Variants in FNBP1 observed in about 807,000 individuals in gnomAD.
FNBP1 encodes the protein formin-binding protein 1.
In FNBP1, 26 loss-of-function variants were observed where a neutral mutation model predicts 90.6. That is an observed-to-expected ratio of 0.29 (90% CI 0.21 to 0.40). The LOEUF (loss-of-function observed/expected upper bound fraction) is 0.40. FNBP1 is among the 10% of genes least tolerant of loss of function. The pLI, the probability that FNBP1 is intolerant of heterozygous loss-of-function variation, is 1.00. For missense variants in FNBP1, 635 were observed against 768.0 expected, an observed-to-expected ratio of 0.83 and a Z score of 2.05; for synonymous variants, 260 against 265.2, an observed-to-expected ratio of 0.98 and a Z score of 0.19.
intron 16 of FNBP1, among the ~76,000 whole-genome samples, chr9:129,891,887 GA>G (rs1588316495): frequency 6.6e-6 from 1 of 152,222 alleles, no homozygotes; most frequent in East Asian, 1.9e-4. Context: ...ACAATACTGA[GA>G]AAAAATATAA....
At chr9:129,956,905 C>A (rs2047020161) in intron 6 of FNBP1, among the ~76,000 whole-genome samples, 1 of 152,018 alleles carries the variant, frequency 6.6e-6, no homozygotes, top group South Asian at 2.1e-4. Flanking sequence ...CTGGTCCCCA[C>A]AATGGTTGAC....
chr9:130,005,405 G>C (rs1177430829), intron 1 of FNBP1, among the ~76,000 whole-genome samples: 1 of 145,110 alleles, frequency 6.9e-6, no homozygotes, highest in Non-Finnish European at 1.5e-5. Context: ...GCAGTGGTGC[G>C]ATCTCAGCTC....
intron 12 of FNBP1, among the ~76,000 whole-genome samples, chr9:129,907,503 G>A (rs967235107): frequency 2.0e-5 from 3 of 151,746 alleles, no homozygotes; most frequent in African/African-American, 7.3e-5. Context: ...TTGGAGACGG[G>A]GTCTTGCTCT....
chr9:129,948,690 G>A (rs2045723463), intron 6 of FNBP1, among the ~76,000 whole-genome samples: 1 of 151,886 alleles, frequency 6.6e-6, no homozygotes, highest in Admixed American at 6.6e-5. Context: ...TTACAGGCAC[G>A]TGCCACCATG....
chr9:129,923,810 C>G, intron 10 of FNBP1, 34 bp downstream of exon 10: 1 of 1,528,402 alleles, frequency 6.5e-7, no homozygotes. Flanking sequence ...AACCAAAGCA[C>G]GCCAGAGAGA....
chr9:129,944,963 A>G (rs1055760254), intron 6 of FNBP1, among the ~76,000 whole-genome samples: 2 of 152,218 alleles, frequency 1.3e-5, no homozygotes, highest in African/African-American at 4.8e-5. Flanking sequence ...CTAAGTGCCA[A>G]GTGTTGAAGC....
chr9:130,004,784 G>T (rs750945294), intron 1 of FNBP1, among the ~76,000 whole-genome samples: 6 of 152,194 alleles, frequency 3.9e-5, no homozygotes, highest in Non-Finnish European at 5.9e-5. Context: ...AAACTTTACA[G>T]GCCGGGCGTG....
rs532668702 is a variant in FNBP1 at position 129,900,590 on chromosome 9, G to A, written c.1429-43C>T. 46 of 1,464,350 alleles carry A rather than the reference G, an allele frequency of 3.1e-5. No homozygotes were observed. The East Asian group carries it at 1.1e-3, about 34-fold the overall frequency. The allele number at this position is 1,464,350 out of a possible 1,614,324, so 90.7% of individuals were successfully genotyped here. A position where few individuals can be genotyped will look rare whatever the true frequency, so the allele number is the denominator to read the frequency against. On this transcript the variant is annotated intron_variant, in intron 13 of 16. Coordinates refer to ENST00000446176, the MANE Select transcript of FNBP1 (RefSeq NM_015033.3). The surrounding 1 kb of genome is among the most constrained non-coding windows in gnomAD (Gnocchi z 4.1). ...GAGAGACTCCAACCTAAGGCCATCTGAGGGTCAGCCCAGAGTGTCCTAAGG... is the reference window on the plus strand; with the variant it reads ...GAGAGACTCCAACCTAAGGCCATCTAAGGGTCAGCCCAGAGTGTCCTAAGG...
chr9:129,998,196 G>GA (rs35148774), intron 1 of FNBP1, among the ~76,000 whole-genome samples: 2,414 of 33,292 alleles, frequency 0.073, 240 homozygotes, highest in Non-Finnish European at 0.1. Context: ...ACTCTGTCTC[G>GA]AAAAAAAAAA....
At chr9:129,934,851 G>A (rs1395392189) in intron 6 of FNBP1, among the ~76,000 whole-genome samples, 8 of 152,010 alleles carry the variant, frequency 5.3e-5, no homozygotes, top group Non-Finnish European at 8.8e-5. Context: ...CAAAGTGTTG[G>A]GATTACAGAT....
chr9:129,991,752 T>G (rs918207505), intron 2 of FNBP1, among the ~76,000 whole-genome samples: 1 of 151,790 alleles, frequency 6.6e-6, no homozygotes, highest in Non-Finnish European at 1.5e-5. Context: ...CTCTGCCTTC[T>G]GGGTTCATGC....
At chr9:129,917,081 C>T (rs771225734) in intron 10 of FNBP1, among the ~76,000 whole-genome samples, 3 of 151,988 alleles carry the variant, frequency 2.0e-5, no homozygotes, top group Non-Finnish European at 4.4e-5. Flanking sequence ...GGCGTAATCT[C>T]GGCTCACTGC....
At chr9:129,934,223 GACCAT>G (rs1165051177) in intron 6 of FNBP1, among the ~76,000 whole-genome samples, 1 of 152,130 alleles carries the variant, frequency 6.6e-6, no homozygotes, top group Non-Finnish European at 1.5e-5. Context: ...TTCTAAACCA[GACCAT>G]AAGCTATTCT....
chr9:129,907,887 C>T (rs577439562), intron 12 of FNBP1, among the ~76,000 whole-genome samples: 13 of 152,020 alleles, frequency 8.6e-5, no homozygotes, highest in African/African-American at 2.7e-4. Context: ...CGCCACCATG[C>T]GAGCTAATTT....
At chr9:129,941,460 T>C (rs908308580) in intron 6 of FNBP1, among the ~76,000 whole-genome samples, 1 of 152,232 alleles carries the variant, frequency 6.6e-6, no homozygotes, top group Non-Finnish European at 1.5e-5. Flanking sequence ...TGATAGACAA[T>C]GAAATTACAT....
chr9:130,017,449 T>C (rs75213728), intron 1 of FNBP1, among the ~76,000 whole-genome samples: 3,697 of 152,334 alleles, frequency 0.024, 61 homozygotes, highest in Non-Finnish European at 0.037. Context: ...TTGCTTCATC[T>C]CATTTCAATG....
chr9:130,033,273 C>G (rs916820525), intron 1 of FNBP1, among the ~76,000 whole-genome samples: 2 of 152,274 alleles, frequency 1.3e-5, no homozygotes, highest in Admixed American at 1.3e-4. Context: ...GATGCAAGGA[C>G]TTGCCCGATA....
chr9:129,893,394 A>C (rs1363937708), intron 16 of FNBP1, among the ~76,000 whole-genome samples: 1 of 150,386 alleles, frequency 6.6e-6, no homozygotes, highest in South Asian at 2.1e-4. Flanking sequence ...CTTGAGCCCA[A>C]GAGTTTGAGA....
intron 4 of FNBP1, among the ~76,000 whole-genome samples, chr9:129,977,083 C>CG (rs2050439642): frequency 1.3e-5 from 2 of 151,308 alleles, no homozygotes; most frequent in South Asian, 2.1e-4. Flanking sequence ...CGCTTGAACC[C>CG]GGGGGGCGGA....
Sources: allele counts gnomAD v4.1 joint callset (sites outside exome capture counted in the v4.1 genomes callset), GRCh38; gene constraint gnomAD v4.1.1; non-coding constraint Gnocchi (gnomAD v3.1); transcripts MANE v1.5; gene names NCBI Gene and HGNC (gene_info 2026-07-23, HGNC 2026-07-21).